The following TOX variants were observed in gnomAD, a reference collection of about 807,000 sequenced individuals.
TOX encodes the protein thymocyte selection associated high mobility group box, also known as thymocyte selection-associated high mobility group box protein TOX.
A neutral mutation model predicts 53.7 loss-of-function variants in TOX; 11 were observed. The observed-to-expected ratio is 0.20, with a 90% confidence interval of 0.13 to 0.34. TOX has a LOEUF of 0.34. TOX is among the 10% of genes least tolerant of loss of function. The pLI is 1.00. For missense variants in TOX, 570 were observed against 664.6 expected (o/e 0.86, Z 1.56); for synonymous variants, 225 against 245.3 (o/e 0.92, Z 0.77).
In TOX at chr8:58,806,038, T is replaced by A. The variant is rs1471230827; in HGVS notation, c.*1709A>T. The A allele has an allele frequency of 1.3e-5, 2 of 152,668 alleles. No homozygotes were observed. Among genetic ancestry groups the A allele is most frequent in the African/African-American group, 4.8e-5 (2 of 41,478 alleles). 9.5% of individuals were successfully genotyped at this position (152,668 alleles called of 1,614,324 possible). The stretch of plus-strand genomic sequence containing the variant: ...TGGTTTCCAACCAGACTAACTTTCT[T>A]GATATGATCCCCTAAAAAGGAGTAA... On this transcript the variant is annotated 3_prime_UTR_variant, in exon 9 of 9. Transcript: ENST00000361421.
chr8:58,877,455 T>C (rs1340550050), intron 3 of TOX, among the ~76,000 whole-genome samples: 1 of 152,230 alleles, frequency 6.6e-6, no homozygotes, highest in Non-Finnish European at 1.5e-5. Flanking sequence ...CAATTCTGAA[T>C]TGGCACACTT....
chr8:59,092,265 T>TTATATATA (rs201625696), intron 1 of TOX, among the ~76,000 whole-genome samples: 1,884 of 89,812 alleles, frequency 0.021, 88 homozygotes, highest in East Asian at 0.036. Flanking sequence ...TATATATATT[T>TTATATATA]TATATATATA....
At chr8:58,853,048 A>C (rs1810852078) in intron 3 of TOX, among the ~76,000 whole-genome samples, 1 of 152,182 alleles carries the variant, frequency 6.6e-6, no homozygotes, top group East Asian at 1.9e-4. Flanking sequence ...CAATCTAGTT[A>C]GATTCACCTA....
chr8:58,979,733 T>C (rs562256731), intron 1 of TOX, among the ~76,000 whole-genome samples: 6 of 152,196 alleles, frequency 3.9e-5, no homozygotes, highest in South Asian at 4.1e-4. Flanking sequence ...TACAACATGG[T>C]AGCTAAAAGC....
chr8:58,960,400 A>T (rs565713449), intron 1 of TOX, among the ~76,000 whole-genome samples: 1 of 152,360 alleles, frequency 6.6e-6, no homozygotes, highest in African/African-American at 2.4e-5. Flanking sequence ...ATAACGAAAA[A>T]TACACGAAGG....
At chr8:59,006,152 A>C (rs1419422394) in intron 1 of TOX, among the ~76,000 whole-genome samples, 1 of 152,250 alleles carries the variant, frequency 6.6e-6, no homozygotes, top group Non-Finnish European at 1.5e-5. Context: ...ATATTCTCTG[A>C]ACATTTATGT....
intron 2 of TOX, among the ~76,000 whole-genome samples, chr8:58,943,385 G>C (rs945349871): frequency 1.3e-5 from 2 of 152,122 alleles, no homozygotes; most frequent in Non-Finnish European, 2.9e-5. Flanking sequence ...GTCAGAGAAG[G>C]CTTATGTGAA....
chr8:58,882,720 C>T (rs941569176), intron 3 of TOX, among the ~76,000 whole-genome samples: 1 of 152,192 alleles, frequency 6.6e-6, no homozygotes, highest in African/African-American at 2.4e-5. Flanking sequence ...GTTTGCTGTG[C>T]AAAGAAGTCA....
chr8:59,006,887 T>C (rs755428686), intron 1 of TOX, among the ~76,000 whole-genome samples: 2 of 152,182 alleles, frequency 1.3e-5, no homozygotes, highest in Non-Finnish European at 2.9e-5. Flanking sequence ...TCTTCTAATG[T>C]TCAAGTTCCA....
At chr8:58,982,355 G>GAT (rs1469379238) in intron 1 of TOX, among the ~76,000 whole-genome samples, 1 of 152,186 alleles carries the variant, frequency 6.6e-6, no homozygotes, top group Non-Finnish European at 1.5e-5. Context: ...CTACAGAGAA[G>GAT]ATCTCAAATA....
chr8:58,871,107 C>A (rs957751504), intron 3 of TOX, among the ~76,000 whole-genome samples: 1 of 150,034 alleles, frequency 6.7e-6, no homozygotes, highest in Non-Finnish European at 1.5e-5. Flanking sequence ...AAGAAATGAG[C>A]CACCAAGCCA....
rs775133857 is a variant in TOX at position 58,805,572 on chromosome 8, C to T, written c.*2175G>A. On this transcript the variant is annotated 3_prime_UTR_variant, in exon 9 of 9. Coordinates refer to ENST00000361421, the MANE Select transcript of TOX (RefSeq NM_014729.3). ...CGGCACTGTGCTTTCCTGCACAAAC[C>T]GCCTGTCAAAGTCAAAGCTGCTCAT... 3.9e-5 allele frequency: 6 copies of T among 152,614 alleles called. No individual in the cohort carries two copies. The highest frequency in any genetic ancestry group is 8.8e-5 in the Non-Finnish European group (6 of 68,046). 9.5% of individuals were successfully genotyped at this position (152,614 alleles called of 1,614,324 possible).
chr8:58,980,942 C>T (rs1813194356), intron 1 of TOX, among the ~76,000 whole-genome samples: 1 of 152,092 alleles, frequency 6.6e-6, no homozygotes, highest in African/African-American at 2.4e-5. Flanking sequence ...CTGCTTATTC[C>T]ACATTTTCTC....
At chr8:58,827,420 C>A (rs987532627) in intron 5 of TOX, among the ~76,000 whole-genome samples, 1 of 152,062 alleles carries the variant, frequency 6.6e-6, no homozygotes, top group South Asian at 2.1e-4. Flanking sequence ...AGATTTGGAG[C>A]CTTGAAGTTC....
chr8:59,004,801 C>A (rs1187768331), intron 1 of TOX, among the ~76,000 whole-genome samples: 1 of 152,180 alleles, frequency 6.6e-6, no homozygotes, highest in Non-Finnish European at 1.5e-5. Context: ...TAAATAGTAA[C>A]TATTATTAAT....
At chr8:59,107,510 G>A (rs976390765) in intron 1 of TOX, among the ~76,000 whole-genome samples, 7 of 152,192 alleles carry the variant, frequency 4.6e-5, no homozygotes, top group Middle Eastern at 3.2e-3. Context: ...ACTATCAGAT[G>A]TTGAAATATT....
intron 1 of TOX, among the ~76,000 whole-genome samples, chr8:58,961,694 A>G (rs1359425272): frequency 2.0e-5 from 3 of 152,180 alleles, no homozygotes; most frequent in East Asian, 3.9e-4. Context: ...TGCCCAGCTA[A>G]TTTTTGTATT....
At chr8:58,905,804 T>G (rs1362167370) in intron 3 of TOX, among the ~76,000 whole-genome samples, 1 of 152,198 alleles carries the variant, frequency 6.6e-6, no homozygotes, top group African/African-American at 2.4e-5. Context: ...ATCCAATCAT[T>G]CGACTTTGAT....
At chr8:58,840,563 T>G (rs914872904) in intron 4 of TOX, among the ~76,000 whole-genome samples, 1 of 152,188 alleles carries the variant, frequency 6.6e-6, no homozygotes, top group African/African-American at 2.4e-5. Context: ...CTACACAGAT[T>G]AAAGCAGATG....
Sources: gnomAD v4.1 joint callset for allele counts (sites outside exome capture counted in the v4.1 genomes callset) on GRCh38, gnomAD v4.1.1 for gene constraint, MANE v1.5 for transcripts, NCBI Gene and HGNC (gene_info 2026-07-23, HGNC 2026-07-21) for gene names.